GOLGA1: variants seen among roughly 807,000 people sequenced by gnomAD.
GOLGA1 encodes the protein golgin A1.
In GOLGA1, 63 loss-of-function variants were observed where a neutral mutation model predicts 119.7. The ratio of observed to expected loss-of-function variants is 0.53; its 90% CI spans 0.43 to 0.65. The LOEUF is 0.65. Among genes scored for constraint, GOLGA1 ranks in the 30% least tolerant of loss-of-function variants. The pLI is 0.00. For synonymous variants in GOLGA1, 318 were observed against 333.4 expected, an observed-to-expected ratio of 0.95 and a Z score of 0.50; for missense variants, 798 against 912.8, an observed-to-expected ratio of 0.87 and a Z score of 1.62.
intron 12 of GOLGA1, among the ~76,000 whole-genome samples, chr9:124,906,116 AAAAT>A (rs60890510): frequency 0.6 from 86,693 of 144,906 alleles, 26,125 homozygotes; most frequent in African/African-American, 0.63. Context: ...GTGTCTCCAA[AAAAT>A]AAATAAATAA....
rs2131487112 is a variant in GOLGA1, at chr9:124,921,163, G to A, written c.809C>T (p.Ala270Val). 2 of 1,611,272 alleles carry A rather than the reference G, an allele frequency of 1.2e-6. No individual in the cohort carries two copies. Among genetic ancestry groups the A allele is most frequent in the East Asian group, 4.5e-5 (2 of 44,874 alleles). ...ATCAATGGAAAGCTGCTGAATGAGT[G>A]CTTGGAGCTCTTGTTCCTTTTGTTC... ...ALEQKEQELQ[A>V]LIQQLSIDLQ... The change falls in exon 10 of 23, where the codon GCA (alanine) becomes GTA (valine). Residue 270 changes from alanine (A) to valine (V), a missense_variant. Physicochemically the swap from Ala to Val is moderately conservative, Grantham distance 64. Coordinates refer to ENST00000373555, the MANE Select transcript of GOLGA1 (RefSeq NM_002077.4).
intron 18 of GOLGA1, 48 bp downstream of exon 18, chr9:124,889,095 T>G: frequency 6.7e-7 from 1 of 1,501,100 alleles, no homozygotes; most frequent in Non-Finnish European, 9.1e-7. Flanking sequence ...TCTCGGCACC[T>G]GCCCTGCATC....
chr9:124,886,604 G>C (rs1445734465), intron 19 of GOLGA1, among the ~76,000 whole-genome samples: 1 of 152,152 alleles, frequency 6.6e-6, no homozygotes, highest in Admixed American at 6.5e-5. Flanking sequence ...GCAGCAGCAG[G>C]GCAAAGGGGT....
Position 124,946,434 on chromosome 9 carries a change from A to C in GOLGA1, c.-156+1484T>G, listed in dbSNP as rs1831146044. 6.6e-6 allele frequency: 1 copy of C among 152,220 alleles called. No individual in the cohort carries two copies. The allele number at this position is 152,220 out of a possible 1,614,324, so 9.4% of individuals were successfully genotyped here. ...TGAGATAATTTCTCTATTTTAAGAT[A>C]ATATTGGATCAGATAGATTTAATCT... On this transcript the variant is annotated intron_variant, in intron 1 of 4. Transcript: ENST00000421514. The surrounding 1 kb of genome is among the most constrained non-coding windows in gnomAD (Gnocchi z 4.0).
chr9:124,915,590 T>C (rs1251490814), intron 10 of GOLGA1, among the ~76,000 whole-genome samples: 1 of 152,074 alleles, frequency 6.6e-6, no homozygotes, highest in African/African-American at 2.4e-5. Flanking sequence ...TGGCTTATGT[T>C]TGTAATCCCA....
chr9:124,939,922 T>C (rs1469035287), intron 2 of GOLGA1, among the ~76,000 whole-genome samples, 184 bp downstream of exon 2: 1 of 152,170 alleles, frequency 6.6e-6, no homozygotes, highest in Non-Finnish European at 1.5e-5. Context: ...CAAAAACCTT[T>C]TCCTCCTAAT....
intron 11 of GOLGA1, 80 bp downstream of exon 11, chr9:124,911,821 T>A: frequency 7.7e-7 from 1 of 1,298,582 alleles, no homozygotes; most frequent in South Asian, 1.3e-5. Context: ...CCTACAGCTC[T>A]GAAACTCTAG....
chr9:124,886,230 C>T (rs1829717102), intron 19 of GOLGA1, among the ~76,000 whole-genome samples: 1 of 152,158 alleles, frequency 6.6e-6, no homozygotes. Flanking sequence ...GTCAGCTGCG[C>T]AGGGCATGGC....
intron 15 of GOLGA1, among the ~76,000 whole-genome samples, chr9:124,891,225 G>GCA (rs1829848137): frequency 6.6e-6 from 1 of 152,172 alleles, no homozygotes; most frequent in Non-Finnish European, 1.5e-5. Context: ...GTGGGAGGTG[G>GCA]GGTTGACAGT....
At chr9:124,882,010 A>G in intron 20 of GOLGA1, 56 bp from the exon 21 acceptor site, 1 of 1,308,252 alleles carries the variant, frequency 7.6e-7, no homozygotes, top group Non-Finnish European at 1.1e-6. Flanking sequence ...GGTGGAAAAA[A>G]TCACACGGGA....
chr9:124,919,738 G>A (rs1001575890), intron 10 of GOLGA1, among the ~76,000 whole-genome samples: 1 of 152,110 alleles, frequency 6.6e-6, no homozygotes, highest in African/African-American at 2.4e-5. Flanking sequence ...GGATGGCACT[G>A]CCGAATAGGG....
At chr9:124,918,893 T>C (rs1830506195) in intron 10 of GOLGA1, among the ~76,000 whole-genome samples, 1 of 152,178 alleles carries the variant, frequency 6.6e-6, no homozygotes, top group Admixed American at 6.5e-5. Flanking sequence ...CCAGTTCCTC[T>C]AGGAAGATTT....
chr9:124,889,432 A>G lies in GOLGA1; in HGVS notation c.1600+2T>C. 2 of 1,607,214 alleles carry G rather than the reference A, an allele frequency of 1.2e-6. No homozygotes were observed. Among genetic ancestry groups the G allele is most frequent in the South Asian group, 2.2e-5 (2 of 90,962 alleles). Reference sequence around the variant, plus strand: ...AGGCTCAGCCAGGGACCGACTCCTCACCTCGCTCCAGCTGGAGAATCTCCT... The same window carrying G: ...AGGCTCAGCCAGGGACCGACTCCTCGCCTCGCTCCAGCTGGAGAATCTCCT... On this transcript the variant is annotated splice_donor_variant, in intron 17 of 22. Transcript: ENST00000373555. LOFTEE classifies it high-confidence loss of function.
chr9:124,925,058 C>A (rs1032099393), intron 7 of GOLGA1, among the ~76,000 whole-genome samples: 1 of 149,736 alleles, frequency 6.7e-6, no homozygotes, highest in Non-Finnish European at 1.5e-5. Flanking sequence ...CCAGCCTGGG[C>A]GACAGAGCAA....
intron 15 of GOLGA1, among the ~76,000 whole-genome samples, chr9:124,890,765 G>A (rs1829837059): frequency 1.3e-5 from 2 of 152,208 alleles, no homozygotes; most frequent in South Asian, 4.1e-4. Context: ...GGCCTATCCT[G>A]AAGAGCTGGT....
chr9:124,888,300 G>A lies in GOLGA1; in HGVS notation c.1858C>T (p.Gln620Ter). The change falls in exon 19 of 23, where the codon CAG becomes TAG. Residue 620 changes from glutamine (Q) to a stop codon, truncating the protein, a stop_gained. Transcript: ENST00000373555. LOFTEE classifies it high-confidence loss of function. This position sits in a 1 kb window ranked among gnomAD's most constrained non-coding sequence, Gnocchi z 4.4. ...TGCTCCAAGTCCTGTTTCTCCTTCT[G>A]TAGCTGTGTGAGATCCATGGCCCCA... ...EVGAMDLTQL[Q>*]KEKQDLEQQL... is the part of the protein sequence containing the mutation. 2.5e-6 allele frequency: 4 copies of A among 1,614,068 alleles called. No individual in the cohort carries two copies. The highest frequency in any genetic ancestry group is 2.5e-6 in the Non-Finnish European group (3 of 1,179,906).
intron 19 of GOLGA1, among the ~76,000 whole-genome samples, chr9:124,883,630 T>G (rs923389646): frequency 9.3e-5 from 14 of 150,952 alleles, no homozygotes; most frequent in African/African-American, 3.4e-4. Flanking sequence ...GTATTTTTAG[T>G]AGAGACAGGG....
At chr9:124,901,352 C>T (rs1444744139) in intron 12 of GOLGA1, among the ~76,000 whole-genome samples, 1 of 150,198 alleles carries the variant, frequency 6.7e-6, no homozygotes, top group Non-Finnish European at 1.5e-5. Context: ...CTCACTGCAA[C>T]CTCCGCCTGC....
At chr9:124,925,909 C>T (rs926909387) in intron 7 of GOLGA1, among the ~76,000 whole-genome samples, 6 of 152,074 alleles carry the variant, frequency 3.9e-5, no homozygotes, top group African/African-American at 1.4e-4. Flanking sequence ...CTTAAGGTAC[C>T]TGTACGGTGT....
Sources: allele counts gnomAD v4.1 joint callset (sites outside exome capture counted in the v4.1 genomes callset), GRCh38; gene constraint gnomAD v4.1.1; non-coding constraint Gnocchi (gnomAD v3.1); transcripts MANE v1.5; gene names NCBI Gene and HGNC (gene_info 2026-07-23, HGNC 2026-07-21).